TIAM1: variants seen among roughly 807,000 people sequenced by gnomAD.
The protein encoded by TIAM1 is rho guanine nucleotide exchange factor TIAM1.
In TIAM1, 65 loss-of-function variants were observed where a neutral mutation model predicts 163.5. The ratio of observed to expected loss-of-function variants is 0.40; its 90% CI spans 0.33 to 0.49. The LOEUF (loss-of-function observed/expected upper bound fraction) is 0.49. Ranked by LOEUF, TIAM1 falls within the 20% of genes least tolerant of loss-of-function variation. The pLI is 0.77. For missense variants in TIAM1, 1,789 were observed against 2,044.7 expected (o/e 0.87, Z 2.41); for synonymous variants, 833 against 810.1 (o/e 1.03, Z -0.48).
intron 1 of TIAM1, among the ~76,000 whole-genome samples, chr21:31,477,372 C>A (rs539148780): frequency 6.6e-6 from 1 of 152,144 alleles, no homozygotes; most frequent in South Asian, 2.1e-4. Context: ...GTTATTTTTC[C>A]ATTTTAGACT....
At chr21:31,388,970 C>G (rs1213469549) in intron 2 of TIAM1, among the ~76,000 whole-genome samples, 1 of 152,222 alleles carries the variant, frequency 6.6e-6, no homozygotes, top group African/African-American at 2.4e-5. Flanking sequence ...AAAACTTTCT[C>G]TGCAAAGGGC....
At chr21:31,372,765 C>T (rs2076617762) in intron 2 of TIAM1, among the ~76,000 whole-genome samples, 1 of 152,072 alleles carries the variant, frequency 6.6e-6, no homozygotes, top group African/African-American at 2.4e-5. Context: ...TGAGACCAGC[C>T]TGGGCAACTC....
intron 1 of TIAM1, among the ~76,000 whole-genome samples, chr21:31,512,790 T>TG (rs1200398579): frequency 2.7e-5 from 4 of 147,686 alleles, no homozygotes; most frequent in African/African-American, 4.9e-5. Flanking sequence ...GTTAGGTGTT[T>TG]TTTTGTTTGT....
chr21:31,146,262 A>C (rs1011917348), intron 20 of TIAM1, among the ~76,000 whole-genome samples: 3 of 151,982 alleles, frequency 2.0e-5, no homozygotes, highest in African/African-American at 7.3e-5. Context: ...GTGAAACCCC[A>C]TCTCTACCAA....
intron 2 of TIAM1, among the ~76,000 whole-genome samples, chr21:31,436,724 A>G (rs2044222440): frequency 1.3e-5 from 2 of 152,108 alleles, no homozygotes; most frequent in East Asian, 3.9e-4. Context: ...TTGGGAGGCC[A>G]ATGCAGGCAG....
intron 2 of TIAM1, among the ~76,000 whole-genome samples, chr21:31,360,914 T>C (rs1186182594): frequency 6.6e-6 from 1 of 152,174 alleles, no homozygotes; most frequent in East Asian, 1.9e-4. Flanking sequence ...CAAGGTTTTC[T>C]GAGGGCATAA....
chr21:31,182,295 GCA>G, intron 15 of TIAM1, 124 bp downstream of exon 15: 1 of 750,470 alleles, frequency 1.3e-6, no homozygotes. Flanking sequence ...AGCCCATCTT[GCA>G]CACACATTTT....
At chr21:31,324,352 C>CA (rs200850899) in intron 2 of TIAM1, among the ~76,000 whole-genome samples, 23 of 149,796 alleles carry the variant, frequency 1.5e-4, no homozygotes, top group African/African-American at 4.6e-4. Context: ...AACTCTGTCT[C>CA]AAAAAAAAAA....
At chr21:31,554,990 G>C (rs1325001518) in intron 1 of TIAM1, among the ~76,000 whole-genome samples, 2 of 152,144 alleles carry the variant, frequency 1.3e-5, no homozygotes, top group Non-Finnish European at 2.9e-5. Context: ...GGAGGACGGT[G>C]CCAGAGGCTG....
In TIAM1 at chr21:31,357,991, T is replaced by C. The variant is rs184508861; in HGVS notation, c.-368-18569A>G. Among the ~76,000 whole-genome samples the C allele has an allele frequency of 3.5e-3, 530 of 152,310 alleles. 4 individuals are homozygous for C. Among genetic ancestry groups the C allele is most frequent in the African/African-American group, 0.012 (492 of 41,572 alleles). ...CTTAGTCCTTGGTCCTCTTCTCTCT[T>C]TTCTTTACACTGTGGTCCTCAGTGA... is the stretch of plus-strand genomic sequence containing the variant. On this transcript the variant is annotated intron_variant, in intron 2 of 28. Transcript: ENST00000286827.
intron 2 of TIAM1, among the ~76,000 whole-genome samples, chr21:31,333,912 C>A (rs556510048): frequency 2.5e-4 from 38 of 152,304 alleles, no homozygotes; most frequent in African/African-American, 6.7e-4. Context: ...ACCCTCCCCC[C>A]CAAAAAATTA....
chr21:31,281,296 C>A (rs984237176), intron 2 of TIAM1, among the ~76,000 whole-genome samples: 1 of 151,934 alleles, frequency 6.6e-6, no homozygotes, highest in African/African-American at 2.4e-5. Flanking sequence ...TTCTGAAAAC[C>A]ATCAGAAAAA....
chr21:31,242,932 A>G (rs2071273924), intron 6 of TIAM1, among the ~76,000 whole-genome samples: 1 of 150,842 alleles, frequency 6.6e-6, no homozygotes, highest in Non-Finnish European at 1.5e-5. Flanking sequence ...CAGGCCTGTA[A>G]TCCCAGCACT....
rs772534438 is a variant in TIAM1, at chr21:31,266,065, T to A, written c.908A>T (p.Asn303Ile). 6.1e-5 allele frequency: 98 copies of A among 1,614,066 alleles called. No homozygotes were observed. Among genetic ancestry groups the A allele is most frequent in the Middle Eastern group, 3.3e-4 (2 of 6,084 alleles). ...GCTGTTGCTATGGCTAATTTGTGGGTTGGTGGCACCTTCAGAGAGACAGTG... is the reference window on the plus strand; with the variant it reads ...GCTGTTGCTATGGCTAATTTGTGGGATGGTGGCACCTTCAGAGAGACAGTG... Reference protein sequence around the residue: ...KSHCLSEGATNPQISHSNSMQ... With the variant: ...KSHCLSEGATIPQISHSNSMQ... Residue 303 changes from asparagine (N) to isoleucine (I), a missense_variant, in exon 4 of 28, where the codon AAC (asparagine) becomes ATC (isoleucine). By Grantham distance (149) the Asn-to-Ile change is moderately radical. Coordinates refer to ENST00000541036, the MANE Select transcript of TIAM1 (RefSeq NM_001353694.2).
chr21:31,206,414 T>C (rs2086452402), intron 11 of TIAM1, among the ~76,000 whole-genome samples: 1 of 152,210 alleles, frequency 6.6e-6, no homozygotes, highest in South Asian at 2.1e-4. Context: ...ATTTCAAATG[T>C]TAATGAATAT....
chr21:31,166,104 T>C (rs2146368689), intron 15 of TIAM1, among the ~76,000 whole-genome samples: 1 of 152,300 alleles, frequency 6.6e-6, no homozygotes, highest in African/African-American at 2.4e-5. Context: ...TCAACAGGCA[T>C]GGGGTTGGGC....
At chr21:31,524,099 G>A (rs1450698822) in intron 1 of TIAM1, among the ~76,000 whole-genome samples, 1 of 152,008 alleles carries the variant, frequency 6.6e-6, no homozygotes, top group Non-Finnish European at 1.5e-5. Flanking sequence ...TAAGACTCAG[G>A]ATACACTTCC....
intron 19 of TIAM1, among the ~76,000 whole-genome samples, chr21:31,149,798 T>G (rs140183131): frequency 8.4e-4 from 128 of 152,292 alleles, no homozygotes; most frequent in African/African-American, 2.8e-3. Context: ...AATTATCAAT[T>G]TACTAATTTA....
intron 1 of TIAM1, among the ~76,000 whole-genome samples, chr21:31,519,522 A>G (rs913804365): frequency 2.6e-5 from 4 of 151,358 alleles, no homozygotes; most frequent in Non-Finnish European, 5.9e-5. Context: ...AAAAAAAAAA[A>G]AAAAAAAAAT....
Sources: gnomAD v4.1 joint callset for allele counts (sites outside exome capture counted in the v4.1 genomes callset) on GRCh38, gnomAD v4.1.1 for gene constraint, MANE v1.5 for transcripts, NCBI Gene and HGNC (gene_info 2026-07-23, HGNC 2026-07-21) for gene names.